The following PPP4R3A variants were observed in gnomAD, a reference collection of about 807,000 sequenced individuals.
PPP4R3A encodes serine/threonine-protein phosphatase 4 regulatory subunit 3A.
In PPP4R3A, 15 loss-of-function variants were observed where a neutral mutation model predicts 91.7. That is an observed-to-expected ratio of 0.16 (90% CI 0.11 to 0.25). The LOEUF is 0.25. PPP4R3A is among the 10% of genes least tolerant of loss of function. PPP4R3A has a pLI of 1.00. For missense variants in PPP4R3A, 623 were observed against 998.4 expected, an observed-to-expected ratio of 0.62 and a Z score of 5.07; for synonymous variants, 377 against 348.7, an observed-to-expected ratio of 1.08 and a Z score of -0.91.
intron 4 of PPP4R3A, among the ~76,000 whole-genome samples, chr14:91,479,516 C>CTG (rs771387764): frequency 6.0e-5 from 9 of 150,974 alleles, no homozygotes; most frequent in Non-Finnish European, 1.3e-4. Flanking sequence ...TATAGGCATG[C>CTG]ATCACCATAC....
Position 91,482,074 on chromosome 14 carries a change from G to A in PPP4R3A, c.417C>T (p.Arg139=), listed in dbSNP as rs749510975. The change falls in exon 4 of 15, where the codon CGC becomes CGT. Residue 139 remains arginine, a synonymous_variant. Coordinates refer to ENST00000554943, the MANE Select transcript of PPP4R3A (RefSeq NM_001366432.2). ...CCACAAGTTCTGCAATTTCTTCAAG[G>A]CGACTTAATTCACAAGATGGCAATT... ...GLELPSCELS[R]LEEIAELVAS... 1 of 1,613,998 alleles carries A rather than the reference G, an allele frequency of 6.2e-7. No individual in the cohort carries two copies. The highest frequency in any genetic ancestry group is 2.2e-5 in the East Asian group (1 of 44,876).
intron 13 of PPP4R3A, 96 bp downstream of exon 13, chr14:91,461,953 A>T: frequency 7.1e-7 from 1 of 1,416,466 alleles, no homozygotes; most frequent in African/African-American, 1.5e-5. Context: ...GTATGCCATC[A>T]CACCTTCCAA....
In PPP4R3A at chr14:91,461,445, C is replaced by T. The variant is rs768864624; in HGVS notation, c.2327G>A (p.Gly776Glu). The change falls in exon 14 of 15, where the codon GGA becomes GAA. Residue 776 changes from glycine (G) to glutamate (E), a missense_variant. Around this residue, in one of 5 missense-constraint regions of PPP4R3A, gnomAD observed 201 missense variants for 229.9 expected, o/e 0.87. Coordinates refer to ENST00000554943, the MANE Select transcript of PPP4R3A (RefSeq NM_001366432.2). ...TACGGATCCAGGAGAGCCTGGAGAT[C>T]CTGGGGATCCAGGTGATCCCGGAGA... The part of the protein sequence containing the change: ...PGSPGSPGSP[G>E]SPGSPGSVPK... 1 of 1,613,986 alleles carries T rather than the reference C, an allele frequency of 6.2e-7. No homozygotes were observed. Among genetic ancestry groups the T allele is most frequent in the Non-Finnish European group, 8.5e-7 (1 of 1,179,956 alleles).
chr14:91,501,925 T>C (rs1890990146), intron 1 of PPP4R3A, among the ~76,000 whole-genome samples: 1 of 145,406 alleles, frequency 6.9e-6, no homozygotes, highest in East Asian at 2.0e-4. Context: ...GGTTTCACCA[T>C]GTTAGCCAGG....
intron 1 of PPP4R3A, 93 bp downstream of exon 1, chr14:91,509,413 C>G: frequency 6.6e-7 from 1 of 1,512,012 alleles, no homozygotes; most frequent in East Asian, 2.5e-5. Context: ...TCCCTCTGTT[C>G]TCGTGGAGCG....
At chr14:91,466,939 T>TC (rs1336424069) in intron 10 of PPP4R3A, among the ~76,000 whole-genome samples, 5 of 28,370 alleles carry the variant, frequency 1.8e-4, no homozygotes, top group East Asian at 5.6e-3. Context: ...TGTCCTACCA[T>TC]AACACACACA....
chr14:91,469,105 A>G (rs1312649533), intron 10 of PPP4R3A, among the ~76,000 whole-genome samples: 1 of 111,122 alleles, frequency 9.0e-6, no homozygotes, highest in African/African-American at 3.7e-5. Context: ...AGAGGTTGCA[A>G]ATTTTTTCTG....
chr14:91,496,889 T>C lies in PPP4R3A; in HGVS notation c.143-6087A>G, dbSNP rs147138692. On this transcript the variant is annotated intron_variant, in intron 1 of 14. Transcript: ENST00000554943. ...TCCCTCCATCACCTAATAGGTTTTA[T>C]TGAGCCAAGTTATAAACACTAAACC... is the stretch of plus-strand genomic sequence containing the variant. Among the ~76,000 whole-genome samples the C allele has an allele frequency of 3.3e-3, 509 of 152,324 alleles. 3 individuals carry two copies. Among genetic ancestry groups the C allele is most frequent in the Middle Eastern group, 0.01 (3 of 294 alleles).
chr14:91,480,670 A>C (rs554163719), intron 4 of PPP4R3A, among the ~76,000 whole-genome samples: 1 of 152,240 alleles, frequency 6.6e-6, no homozygotes, highest in African/African-American at 2.4e-5. Context: ...TTCCTCTTCC[A>C]ATCTGTTCTA....
chr14:91,490,857 T>C, intron 1 of PPP4R3A, 55 bp from the exon 2 acceptor site: 1 of 1,088,368 alleles, frequency 9.2e-7, no homozygotes, highest in Admixed American at 2.2e-5. Flanking sequence ...CAAAATTATA[T>C]TCCCTTACAT....
rs1567141677 is a variant in PPP4R3A at position 91,458,195 on chromosome 14, A to G, written c.*564T>C. 3 of 153,178 alleles carry G rather than the reference A, an allele frequency of 2.0e-5. No homozygotes were observed. Among genetic ancestry groups the G allele is most frequent in the Admixed American group, 1.3e-4 (2 of 15,354 alleles). The allele number at this position is 153,178 out of a possible 1,614,324, so 9.5% of individuals were successfully genotyped here. On this transcript the variant is annotated 3_prime_UTR_variant, in exon 15 of 15. Coordinates refer to ENST00000554943, the MANE Select transcript of PPP4R3A (RefSeq NM_001366432.2). ...GAGAAGTCCCCACTTAAAAAAAAAAATATCTGCAGTTTGAAGGGCAAAGGG... is the reference window on the plus strand; with the variant it reads ...GAGAAGTCCCCACTTAAAAAAAAAAGTATCTGCAGTTTGAAGGGCAAAGGG...
At position 91,476,524 on chromosome 14, in the gene PPP4R3A, C is replaced by T. The variant is rs780547287; in HGVS notation, c.994G>A (p.Val332Ile). 5 of 1,557,402 alleles carry T rather than the reference C, an allele frequency of 3.2e-6. No homozygotes were observed. The highest frequency in any genetic ancestry group is 4.4e-6 in the Non-Finnish European group (5 of 1,145,810). The change falls in exon 6 of 15, where the codon GTT becomes ATT. Residue 332 changes from valine to isoleucine, a missense_variant and splice_region_variant. Transcript: ENST00000554943. The stretch of plus-strand genomic sequence containing the variant: ...GCACAAAATTCTTTTAAAAAGTTAA[C>T]CTGAAATTAGAAAAAAGGATAAGTG... ...ATDEEKRQEL[V>I]NFLKEFCAFS...
chr14:91,459,294 C>T (rs539136399), intron 14 of PPP4R3A, among the ~76,000 whole-genome samples: 52 of 152,110 alleles, frequency 3.4e-4, no homozygotes, highest in African/African-American at 1.1e-3. Context: ...TTACTAGAGA[C>T]AGGGTTTTGT....
chr14:91,494,803 T>C (rs900071101), intron 1 of PPP4R3A, among the ~76,000 whole-genome samples: 1 of 152,054 alleles, frequency 6.6e-6, no homozygotes, highest in Non-Finnish European at 1.5e-5. Context: ...GAGGTGGAGG[T>C]TGCAGTGAGC....
chr14:91,509,871 G>C lies in PPP4R3A; in HGVS notation c.-224C>G. On this transcript the variant is annotated 5_prime_UTR_variant, in exon 1 of 15. Transcript: ENST00000554943. Reference sequence around the variant, plus strand: ...TCGCCTCCGGCTCCCCGGCGCTATTGTCCAGGCCTGGCGAGCCCGGCGCCC... The same window carrying C: ...TCGCCTCCGGCTCCCCGGCGCTATTCTCCAGGCCTGGCGAGCCCGGCGCCC... The C allele has an allele frequency of 8.9e-7, 1 of 1,120,024 alleles. No homozygotes were observed. The highest frequency in any genetic ancestry group is 1.1e-6 in the Non-Finnish European group (1 of 918,652). The allele number at this position is 1,120,024 out of a possible 1,614,324, so 69.4% of individuals were successfully genotyped here. A position where few individuals can be genotyped will look rare whatever the true frequency, so the allele number is the denominator to read the frequency against.
At chr14:91,507,900 C>T (rs927508831) in intron 1 of PPP4R3A, among the ~76,000 whole-genome samples, 1 of 151,910 alleles carries the variant, frequency 6.6e-6, no homozygotes, top group Admixed American at 6.6e-5. Context: ...GGCGGGTGGA[C>T]TGCGTGAGGT....
chr14:91,490,919 T>A lies in PPP4R3A; in HGVS notation c.143-117A>T, dbSNP rs553288690. ...ATAATAATTTTTTTTTTTTTTTTTT[T>A]AATGAGACAGGGCTTCTCTCTGTCG... On this transcript the variant is annotated intron_variant, in intron 1 of 14. Coordinates refer to ENST00000554943, the MANE Select transcript of PPP4R3A (RefSeq NM_001366432.2). The A allele has an allele frequency of 7.1e-4, 269 of 379,104 alleles. 3 individuals carry two copies. Among genetic ancestry groups the A allele is most frequent in the Middle Eastern group, 2.5e-3 (3 of 1,208 alleles). The allele number at this position is 379,104 out of a possible 1,614,324, so 23.5% of individuals were successfully genotyped here. A position where few individuals can be genotyped will look rare whatever the true frequency, so the allele number is the denominator to read the frequency against.
Position 91,509,913 on chromosome 14 carries a change from C to G in PPP4R3A, c.-266G>C. ...CCGGCGCCCGGCAGCCCCGAGGGGG[C>G]CGCGCAGCGCTTCGTAGCCTCCCGC... On this transcript the variant is annotated 5_prime_UTR_variant, in exon 1 of 15. Transcript: ENST00000554943. The G allele has an allele frequency of 2.8e-6, 3 of 1,057,532 alleles. No homozygotes were observed. Among genetic ancestry groups the G allele is most frequent in the Non-Finnish European group, 3.4e-6 (3 of 878,000 alleles). The allele number at this position is 1,057,532 out of a possible 1,614,324, so 65.5% of individuals were successfully genotyped here. A position where few individuals can be genotyped will look rare whatever the true frequency, so the allele number is the denominator to read the frequency against.
chr14:91,467,804 T>C (rs1888566321), intron 10 of PPP4R3A, among the ~76,000 whole-genome samples: 1 of 152,140 alleles, frequency 6.6e-6, no homozygotes, highest in African/African-American at 2.4e-5. Flanking sequence ...TATAAAAAAA[T>C]TAAAAGCTCC....
Sources: allele counts gnomAD v4.1 joint callset (sites outside exome capture counted in the v4.1 genomes callset), GRCh38; gene constraint gnomAD v4.1.1; regional missense constraint gnomAD v4.1.1; transcripts MANE v1.5; gene names NCBI Gene and HGNC (gene_info 2026-07-23, HGNC 2026-07-21).